The following ZMYND11 variants were observed in gnomAD, a reference collection of about 807,000 sequenced individuals.
ZMYND11 encodes zinc finger MYND-type containing 11, also known as zinc finger MYND domain-containing protein 11.
ZMYND11 carries 9 observed loss-of-function variants against 84.9 expected under a neutral mutation model. The observed-to-expected ratio is 0.11, with a 90% confidence interval of 0.06 to 0.18. ZMYND11 has a LOEUF of 0.18. Among genes scored for constraint, ZMYND11 ranks in the 10% least tolerant of loss-of-function variants. The probability of loss-of-function intolerance (pLI) is 1.00; values close to 1 mark genes in which losing one functional copy is unlikely to be tolerated. For synonymous variants in ZMYND11, 250 were observed against 244.1 expected (o/e 1.02, Z -0.23); for missense variants, 409 against 761.0 (o/e 0.54, Z 5.44).
chr10:225,829 G>T (rs1948021659), intron 4 of ZMYND11, among the ~76,000 whole-genome samples: 1 of 152,226 alleles, frequency 6.6e-6, no homozygotes, highest in Admixed American at 6.5e-5. Flanking sequence ...TCATGGGCAA[G>T]GCAGTCTGTC....
Position 246,991 on chromosome 10 carries a change from AG to A in ZMYND11, c.1158+20del, listed in dbSNP as rs113704109. On this transcript the variant is annotated intron_variant, in intron 11 of 14. Coordinates refer to ENST00000381604, the MANE Select transcript of ZMYND11 (RefSeq NM_001370100.5). ...ATGAGCAGGTGAGTGTGTCTCCGGA[AG>A]GAAGTGCCTATTCATTATTACTTTT... 338 of 1,578,200 alleles carry A rather than the reference AG, an allele frequency of 2.1e-4. 2 individuals carry two copies. In the African/African-American group the frequency reaches 4.2e-3, roughly 20 times the overall value.
intron 3 of ZMYND11, among the ~76,000 whole-genome samples, chr10:217,339 G>A (rs998685773): frequency 6.6e-5 from 10 of 152,062 alleles, no homozygotes; most frequent in African/African-American, 2.4e-4. Context: ...TGGGTAACAT[G>A]GCGAAATCCC....
At chr10:132,299 T>TTATA (rs1299498621), upstream of ZMYND11, among the ~76,000 whole-genome samples, 1 of 148,638 alleles carries the variant, frequency 6.7e-6, no homozygotes, top group African/African-American at 2.4e-5. Context: ...TATATATATT[T>TTATA]TATATATATA....
Position 240,884 on chromosome 10 carries a change from CT to C in ZMYND11, c.754-4del, listed in dbSNP as rs1564447120. ...TATGTAGGCTAAAGTAGTTTCTTTTCTTTTTCAGCTGGATGAACTGCAGCTT... is the reference window on the plus strand; with the variant it reads ...TATGTAGGCTAAAGTAGTTTCTTTTCTTTTCAGCTGGATGAACTGCAGCTT... On this transcript the variant is annotated splice_region_variant and splice_polypyrimidine_tract_variant and intron_variant, in intron 8 of 14. Coordinates refer to ENST00000381604, the MANE Select transcript of ZMYND11 (RefSeq NM_001370100.5). The C allele has an allele frequency of 6.2e-7, 1 of 1,609,634 alleles. No individual in the cohort carries two copies. The highest frequency in any genetic ancestry group is 1.3e-5 in the African/African-American group (1 of 74,792).
intron 14 of ZMYND11, among the ~76,000 whole-genome samples, chr10:250,247 G>A (rs1429478150): frequency 6.6e-6 from 1 of 152,178 alleles, no homozygotes; most frequent in Non-Finnish European, 1.5e-5. Flanking sequence ...AGTTTTAGTT[G>A]GGTATGACAA....
intron 1 of ZMYND11, among the ~76,000 whole-genome samples, chr10:153,739 C>A (rs187770335): frequency 6.6e-6 from 1 of 152,312 alleles, no homozygotes; most frequent in East Asian, 1.9e-4. Flanking sequence ...CTGTGAGCCT[C>A]TGGTCACAAC....
intron 6 of ZMYND11, 116 bp from the exon 7 acceptor site, chr10:239,322 A>AT: frequency 1.3e-6 from 1 of 770,166 alleles, no homozygotes; most frequent in South Asian, 1.8e-5. Context: ...ATACTGTGGG[A>AT]TGGCAGTAGT....
intron 6 of ZMYND11, 137 bp from the exon 7 acceptor site, chr10:239,301 A>T: frequency 1.5e-6 from 1 of 667,060 alleles, no homozygotes; most frequent in Non-Finnish European, 2.6e-6. Flanking sequence ...TTTTACACAC[A>T]TTCTCTGTCA....
chr10:247,005 CATTAT>C, intron 11 of ZMYND11, 32 bp downstream of exon 11: 3 of 1,551,376 alleles, frequency 1.9e-6, no homozygotes, highest in Non-Finnish European at 2.6e-6. Context: ...AGTGCCTATT[CATTAT>C]TACTTTTAAA....
intron 4 of ZMYND11, among the ~76,000 whole-genome samples, chr10:223,681 G>A (rs1242565871): frequency 6.6e-6 from 1 of 152,026 alleles, no homozygotes; most frequent in Non-Finnish European, 1.5e-5. Context: ...ATTGTTTTAT[G>A]GTATTCAAGA....
chr10:173,178 T>G (rs1845768205), intron 1 of ZMYND11, among the ~76,000 whole-genome samples: 1 of 152,178 alleles, frequency 6.6e-6, no homozygotes, highest in Non-Finnish European at 1.5e-5. Flanking sequence ...TAGATTACCT[T>G]TTGTGTGGTG....
rs541326060 is a variant in ZMYND11 at position 231,103 on chromosome 10, C to T, written c.439-5735C>T. Among the ~76,000 whole-genome samples, 11 of 152,320 alleles carry T rather than the reference C, an allele frequency of 7.2e-5. No homozygotes were observed. The East Asian group carries it at 7.7e-4, about 11-fold the overall frequency. On this transcript the variant is annotated intron_variant, in intron 4 of 14. Coordinates refer to ENST00000381604, the MANE Select transcript of ZMYND11 (RefSeq NM_001370100.5). Reference sequence around the variant, plus strand: ...AGTTTTATCGGAACACAGCCACACTCGTGATGTATGCATTATTCACGATTG... The same window carrying T: ...AGTTTTATCGGAACACAGCCACACTTGTGATGTATGCATTATTCACGATTG...
At chr10:183,645 A>G (rs76703264) in intron 2 of ZMYND11, among the ~76,000 whole-genome samples, 1,553 of 152,308 alleles carry the variant, frequency 0.01, 25 homozygotes, top group African/African-American at 0.029. Context: ...CATTCTCTTT[A>G]TGTATTTAGC....
chr10:240,201 C>A, intron 8 of ZMYND11, 90 bp downstream of exon 8: 1 of 1,179,970 alleles, frequency 8.5e-7, no homozygotes, highest in South Asian at 1.7e-5. Context: ...TTAGTTGTGC[C>A]ATTTCCTTTA....
At chr10:171,455 T>C (rs1039843607) in intron 1 of ZMYND11, among the ~76,000 whole-genome samples, 4 of 152,106 alleles carry the variant, frequency 2.6e-5, no homozygotes, top group African/African-American at 9.7e-5. Context: ...ATAGAAATAA[T>C]ATATCTGCTG....
intron 14 of ZMYND11, among the ~76,000 whole-genome samples, chr10:250,074 A>T (rs996868714): frequency 2.6e-5 from 4 of 152,220 alleles, no homozygotes; most frequent in African/African-American, 4.8e-5. Context: ...TGCTTTCCGA[A>T]TAACTTTTCC....
chr10:171,759 C>T (rs1285545976), intron 1 of ZMYND11, among the ~76,000 whole-genome samples: 1 of 152,090 alleles, frequency 6.6e-6, no homozygotes, highest in Non-Finnish European at 1.5e-5. Flanking sequence ...TTTACAAACC[C>T]TACAGCTAAC....
rs780215894 is a variant in ZMYND11 at position 246,992 on chromosome 10, G to C, written c.1158+19G>C. On this transcript the variant is annotated intron_variant, in intron 11 of 14. Coordinates refer to ENST00000381604, the MANE Select transcript of ZMYND11 (RefSeq NM_001370100.5). ...TGAGCAGGTGAGTGTGTCTCCGGAAGGAAGTGCCTATTCATTATTACTTTT... is the reference window on the plus strand; with the variant it reads ...TGAGCAGGTGAGTGTGTCTCCGGAACGAAGTGCCTATTCATTATTACTTTT... 1.9e-6 allele frequency: 3 copies of C among 1,575,778 alleles called. No homozygotes were observed. Among genetic ancestry groups the C allele is most frequent in the African/African-American group, 1.4e-5 (1 of 73,660 alleles).
At position 252,591 on chromosome 10, in the gene ZMYND11, T is replaced by C. The variant is rs2132048437; in HGVS notation, c.*121T>C. ...ATTTTGCACCAGCCTTTAAACACTT[T>C]TCGTGAAGAAATTTTGCACAGTAGT... On this transcript the variant is annotated 3_prime_UTR_variant, in exon 15 of 15. Coordinates refer to ENST00000381604, the MANE Select transcript of ZMYND11 (RefSeq NM_001370100.5). This position sits in a 1 kb window ranked among gnomAD's most constrained non-coding sequence, Gnocchi z 4.6. 4.3e-6 allele frequency: 6 copies of C among 1,393,652 alleles called. No individual in the cohort carries two copies. Among genetic ancestry groups the C allele is most frequent in the Non-Finnish European group, 5.7e-6 (6 of 1,061,462 alleles). 86.3% of individuals were successfully genotyped at this position (1,393,652 alleles called of 1,614,324 possible).
Sources: allele counts gnomAD v4.1 joint callset (sites outside exome capture counted in the v4.1 genomes callset), GRCh38; gene constraint gnomAD v4.1.1; non-coding constraint Gnocchi (gnomAD v3.1); transcripts MANE v1.5; gene names NCBI Gene and HGNC (gene_info 2026-07-23, HGNC 2026-07-21).